GALNTL6: variants seen among roughly 807,000 people sequenced by gnomAD.
The protein encoded by GALNTL6 is polypeptide N-acetylgalactosaminyltransferase like 6.
In GALNTL6, 46 loss-of-function variants were observed where a neutral mutation model predicts 73.7. That is an observed-to-expected ratio of 0.62 (90% confidence interval 0.49 to 0.80). The LOEUF (loss-of-function observed/expected upper bound fraction) is 0.80. Ranked by LOEUF, GALNTL6 falls within the 30% of genes least tolerant of loss-of-function variation. The pLI is 0.00. For synonymous variants in GALNTL6, 259 were observed against 263.7 expected (o/e 0.98, Z 0.17); for missense variants, 604 against 755.0 (o/e 0.80, Z 2.34).
At chr4:172,200,635 C>T (rs1735921786) in intron 2 of GALNTL6, among the ~76,000 whole-genome samples, 2 of 152,102 alleles carry the variant, frequency 1.3e-5, no homozygotes, top group South Asian at 2.1e-4. Flanking sequence ...TATTTTGCTT[C>T]ATTTTATTTC....
rs138859501 is a variant in GALNTL6 at position 172,526,762 on chromosome 4, G to T, written c.553+178073G>T. Among the ~76,000 whole-genome samples, 323 of 152,204 alleles carry T rather than the reference G, an allele frequency of 2.1e-3. 1 individual carries two copies. The highest frequency in any genetic ancestry group is 7.3e-3 in the African/African-American group (304 of 41,546). ...TTTACCTGCCTTTGTCATATTCATG[G>T]AAGTTTATTTCCTCACCACCTTCAC... On this transcript the variant is annotated intron_variant, in intron 5 of 12. Transcript: ENST00000506823.
At chr4:172,880,703 C>T (rs546708953) in intron 7 of GALNTL6, among the ~76,000 whole-genome samples, 2 of 152,156 alleles carry the variant, frequency 1.3e-5, no homozygotes, top group South Asian at 4.2e-4. Context: ...TGAGTAAATA[C>T]ATAAACACAG....
intron 5 of GALNTL6, among the ~76,000 whole-genome samples, chr4:172,801,058 C>CA (rs1318001840): frequency 6.6e-6 from 1 of 151,922 alleles, no homozygotes; most frequent in East Asian, 1.9e-4. Flanking sequence ...AAACATCAGA[C>CA]AAAACCAGTT....
chr4:172,231,840 A>G (rs1415491732), intron 3 of GALNTL6, among the ~76,000 whole-genome samples: 1 of 152,076 alleles, frequency 6.6e-6, no homozygotes, highest in Non-Finnish European at 1.5e-5. Flanking sequence ...AGTGCTTCAC[A>G]TTTATATCTG....
chr4:172,561,116 G>A (rs897988011), intron 5 of GALNTL6, among the ~76,000 whole-genome samples: 5 of 151,552 alleles, frequency 3.3e-5, no homozygotes, highest in Admixed American at 1.3e-4. Flanking sequence ...AGCCGGGCGC[G>A]GTGGCGGGCG....
intron 2 of GALNTL6, among the ~76,000 whole-genome samples, chr4:171,929,116 G>C (rs1302900705): frequency 6.6e-6 from 1 of 152,028 alleles, no homozygotes; most frequent in Non-Finnish European, 1.5e-5. Context: ...ACCCAGGCTG[G>C]AGTGTAGTGG....
At chr4:171,829,877 A>C (rs1287598059) in intron 2 of GALNTL6, among the ~76,000 whole-genome samples, 1 of 152,050 alleles carries the variant, frequency 6.6e-6, no homozygotes, top group Non-Finnish European at 1.5e-5. Flanking sequence ...GTTATCGCAA[A>C]TGTAATTAAT....
chr4:172,570,677 G>A (rs891687933), intron 5 of GALNTL6, among the ~76,000 whole-genome samples: 1 of 152,198 alleles, frequency 6.6e-6, no homozygotes, highest in Non-Finnish European at 1.5e-5. Context: ...CAGACCAGTG[G>A]TGGGGGTGGT....
intron 7 of GALNTL6, among the ~76,000 whole-genome samples, chr4:172,828,713 A>G (rs1045110693): frequency 6.6e-6 from 1 of 152,232 alleles, no homozygotes; most frequent in Admixed American, 6.5e-5. Context: ...TTAAAATATG[A>G]TAACTAAAAG....
intron 10 of GALNTL6, among the ~76,000 whole-genome samples, chr4:172,996,768 G>A (rs1474302255): frequency 4.6e-5 from 7 of 152,108 alleles, no homozygotes; most frequent in South Asian, 2.1e-4. Context: ...ATCACAAGAC[G>A]AGCTACTTTC....
intron 2 of GALNTL6, among the ~76,000 whole-genome samples, chr4:172,177,801 ACACACATATAT>A (rs1341135026): frequency 3.7e-5 from 5 of 133,708 alleles, no homozygotes; most frequent in Non-Finnish European, 6.1e-5. Context: ...ATATATATAC[ACACACATATAT>A]GTGTGTGTAT....
chr4:172,393,205 C>G (rs535155781), intron 5 of GALNTL6, among the ~76,000 whole-genome samples: 1 of 152,236 alleles, frequency 6.6e-6, no homozygotes, highest in African/African-American at 2.4e-5. Context: ...GCAGAGGTGA[C>G]TATTATAACT....
At chr4:172,098,110 A>C (rs924698203) in intron 2 of GALNTL6, among the ~76,000 whole-genome samples, 1 of 152,144 alleles carries the variant, frequency 6.6e-6, no homozygotes, top group Non-Finnish European at 1.5e-5. Context: ...TATAAAAATT[A>C]AAGCATTTCC....
chr4:172,028,839 G>A (rs1042679981), intron 2 of GALNTL6, among the ~76,000 whole-genome samples: 1 of 151,912 alleles, frequency 6.6e-6, no homozygotes, highest in Non-Finnish European at 1.5e-5. Context: ...ACTTAGAAAT[G>A]TAAAAGTATT....
intron 4 of GALNTL6, among the ~76,000 whole-genome samples, chr4:172,316,435 T>C (rs1161022811): frequency 6.6e-6 from 1 of 152,220 alleles, no homozygotes; most frequent in Admixed American, 6.5e-5. Flanking sequence ...TCATTTCTTT[T>C]TTATATCACT....
At chr4:172,025,382 G>A (rs1741533198) in intron 2 of GALNTL6, among the ~76,000 whole-genome samples, 1 of 151,934 alleles carries the variant, frequency 6.6e-6, no homozygotes, top group Non-Finnish European at 1.5e-5. Context: ...AGGAAACAGT[G>A]ACCTTGAAAA....
intron 2 of GALNTL6, among the ~76,000 whole-genome samples, chr4:171,964,090 C>A (rs1739313451): frequency 6.6e-6 from 1 of 152,076 alleles, no homozygotes; most frequent in African/African-American, 2.4e-5. Flanking sequence ...TCACTTGATT[C>A]TTTTCTCACT....
At chr4:171,876,474 GTTTA>G (rs1477081597) in intron 2 of GALNTL6, among the ~76,000 whole-genome samples, 3 of 152,130 alleles carry the variant, frequency 2.0e-5, no homozygotes, top group South Asian at 4.1e-4. Context: ...CATTATCACT[GTTTA>G]TTTAGTAAAA....
intron 3 of GALNTL6, among the ~76,000 whole-genome samples, chr4:172,291,625 T>C (rs1579339491): frequency 6.6e-6 from 1 of 152,186 alleles, no homozygotes; most frequent in East Asian, 1.9e-4. Flanking sequence ...ATAAGATTGA[T>C]GTAGTGTTTT....
Sources: allele counts gnomAD v4.1 joint callset (sites outside exome capture counted in the v4.1 genomes callset), GRCh38; gene constraint gnomAD v4.1.1; transcripts MANE v1.5; gene names NCBI Gene and HGNC (gene_info 2026-07-23, HGNC 2026-07-21).